The following CSMD3 variants were observed in gnomAD, a reference collection of about 807,000 sequenced individuals.
The protein encoded by CSMD3 is CUB and sushi domain-containing protein 3.
CSMD3 carries 177 observed loss-of-function variants against 435.2 expected under a neutral mutation model. The ratio of observed to expected loss-of-function variants is 0.41; its 90% CI spans 0.36 to 0.46. The LOEUF (loss-of-function observed/expected upper bound fraction) is 0.46. Ranked by LOEUF, CSMD3 falls within the 20% of genes least tolerant of loss-of-function variation. The pLI is 0.34. For synonymous variants in CSMD3, 1,656 were observed against 1,520.5 expected, an observed-to-expected ratio of 1.09 and a Z score of -2.07; for missense variants, 4,265 against 4,504.6, an observed-to-expected ratio of 0.95 and a Z score of 1.52.
intron 38 of CSMD3, among the ~76,000 whole-genome samples, chr8:112,376,570 A>C (rs1242647232): frequency 1.3e-5 from 2 of 152,056 alleles, no homozygotes; most frequent in African/African-American, 4.8e-5. Context: ...TGAGGAACTA[A>C]GTGGCCTGAA....
At chr8:113,411,975 C>T (rs2094561784) in intron 1 of CSMD3, among the ~76,000 whole-genome samples, 2 of 152,080 alleles carry the variant, frequency 1.3e-5, no homozygotes, top group Admixed American at 6.6e-5. Context: ...CAGTTACTAG[C>T]TGTGTACCCA....
At chr8:113,084,350 G>T (rs547681978) in intron 5 of CSMD3, among the ~76,000 whole-genome samples, 6 of 151,936 alleles carry the variant, frequency 3.9e-5, no homozygotes, top group Non-Finnish European at 7.4e-5. Flanking sequence ...AATCCCATTT[G>T]TAATAGGCGC....
At position 112,921,673 on chromosome 8, in the gene CSMD3, T is replaced by C; in HGVS notation, c.1587A>G (p.Ile529Met). The stretch of plus-strand genomic sequence containing the variant: ...CACTCCAAGCAGCAAAAACTTCAGC[T>C]ATCCGTTGACAGGTGATGCTCTTTG... ...QGAKSITCQR[I>M]AEVFAAWSDH... Residue 529 changes from isoleucine to methionine, a missense_variant, in exon 10 of 71, where the codon ATA (isoleucine) becomes ATG (methionine). This residue lies in a region of CSMD3 where 731 missense variants were observed against 755.4 expected (regional missense o/e 0.97). Coordinates refer to ENST00000297405, the MANE Select transcript of CSMD3 (RefSeq NM_198123.2). 1 of 1,612,852 alleles carries C rather than the reference T, an allele frequency of 6.2e-7. No homozygotes were observed. Among genetic ancestry groups the C allele is most frequent in the Non-Finnish European group, 8.5e-7 (1 of 1,179,058 alleles).
chr8:113,291,600 T>C (rs931807831), intron 2 of CSMD3, among the ~76,000 whole-genome samples: 1 of 151,868 alleles, frequency 6.6e-6, no homozygotes, highest in Non-Finnish European at 1.5e-5. Flanking sequence ...CATCTCGTTT[T>C]CAGTTACACT....
chr8:112,307,390 C>G (rs929192449), intron 50 of CSMD3, among the ~76,000 whole-genome samples: 2 of 152,028 alleles, frequency 1.3e-5, no homozygotes, highest in African/African-American at 4.8e-5. Context: ...AAGCAGTCCT[C>G]CTACCTTCAG....
chr8:113,275,477 T>A (rs1287436901), intron 3 of CSMD3, among the ~76,000 whole-genome samples: 1 of 152,048 alleles, frequency 6.6e-6, no homozygotes, highest in Non-Finnish European at 1.5e-5. Context: ...AATTCTAGAT[T>A]TTAATACAGT....
In CSMD3 at chr8:112,446,132, G is replaced by A. The variant is rs544973022; in HGVS notation, c.5395+26459C>T. Among the ~76,000 whole-genome samples, 3 of 152,264 alleles carry A rather than the reference G, an allele frequency of 2.0e-5. No homozygotes were observed. The East Asian group carries it at 5.8e-4, about 29-fold the overall frequency. On this transcript the variant is annotated intron_variant, in intron 32 of 70. Coordinates refer to ENST00000297405, the MANE Select transcript of CSMD3 (RefSeq NM_198123.2). ...TGATAACACATAGCTAAGAAGCATT[G>A]GGAGCAGAATTCAAAATTCTGTAGT...
chr8:113,358,919 G>A (rs760396745), intron 1 of CSMD3, among the ~76,000 whole-genome samples: 5 of 152,054 alleles, frequency 3.3e-5, no homozygotes, highest in Non-Finnish European at 7.4e-5. Context: ...AATGATTGAT[G>A]ATGGCAATTT....
At chr8:113,049,195 C>T (rs370265085) in intron 5 of CSMD3, among the ~76,000 whole-genome samples, 3 of 152,104 alleles carry the variant, frequency 2.0e-5, no homozygotes, top group Non-Finnish European at 4.4e-5. Flanking sequence ...GCCAAGATCA[C>T]GCCACTGCAC....
At chr8:113,055,570 T>A (rs1281292642) in intron 5 of CSMD3, among the ~76,000 whole-genome samples, 1 of 152,182 alleles carries the variant, frequency 6.6e-6, no homozygotes, top group African/African-American at 2.4e-5. Context: ...TAATCCTAAA[T>A]TTTCCCTTGA....
chr8:112,371,347 C>T (rs1828371689), intron 38 of CSMD3, among the ~76,000 whole-genome samples: 2 of 152,098 alleles, frequency 1.3e-5, no homozygotes, highest in Admixed American at 6.5e-5. Flanking sequence ...TTCCTCAGCC[C>T]TTGGCAATAT....
At chr8:112,966,679 G>T (rs986774156) in intron 7 of CSMD3, among the ~76,000 whole-genome samples, 1 of 151,534 alleles carries the variant, frequency 6.6e-6, no homozygotes, top group Admixed American at 6.6e-5. Flanking sequence ...ACTTGGTGTT[G>T]ATTTTCTTAT....
intron 17 of CSMD3, among the ~76,000 whole-genome samples, chr8:112,659,153 G>A (rs1191658556): frequency 6.8e-6 from 1 of 147,308 alleles, no homozygotes; most frequent in Non-Finnish European, 1.5e-5. Flanking sequence ...ACATTAACTG[G>A]TGATATAAAG....
chr8:112,984,624 G>T (rs1024893634), intron 6 of CSMD3, among the ~76,000 whole-genome samples: 1 of 152,040 alleles, frequency 6.6e-6, no homozygotes, highest in Non-Finnish European at 1.5e-5. Context: ...TAAGTCTGTT[G>T]CTTAATTAGA....
At chr8:112,278,289 G>T (rs1480170798) in intron 59 of CSMD3, among the ~76,000 whole-genome samples, 1 of 152,156 alleles carries the variant, frequency 6.6e-6, no homozygotes, top group African/African-American at 2.4e-5. Context: ...CTGTGCTAGT[G>T]TACTTACACT....
chr8:113,426,703 C>G (rs779491129), intron 1 of CSMD3, among the ~76,000 whole-genome samples: 5 of 151,372 alleles, frequency 3.3e-5, no homozygotes, highest in Non-Finnish European at 7.4e-5. Flanking sequence ...AATGAAATGT[C>G]AAGTGAATTT....
chr8:112,383,459 G>C (rs1323819635), intron 37 of CSMD3, 108 bp downstream of exon 37: 1 of 699,396 alleles, frequency 1.4e-6, no homozygotes, highest in Non-Finnish European at 2.6e-6. Context: ...TGTATAGTTT[G>C]TAAAAAGCAA....
At chr8:113,249,208 G>A (rs1018941370) in intron 3 of CSMD3, among the ~76,000 whole-genome samples, 2 of 152,056 alleles carry the variant, frequency 1.3e-5, no homozygotes, top group Admixed American at 1.3e-4. Context: ...GGCCTCCCCA[G>A]CCATATGGAA....
At chr8:113,110,288 ATCTT>A (rs938605171) in intron 4 of CSMD3, among the ~76,000 whole-genome samples, 27 of 152,094 alleles carry the variant, frequency 1.8e-4, no homozygotes, top group Non-Finnish European at 3.4e-4. Context: ...TAAAAATTCC[ATCTT>A]TCTATCATTT....
Sources: allele counts gnomAD v4.1 joint callset (sites outside exome capture counted in the v4.1 genomes callset), GRCh38; gene constraint gnomAD v4.1.1; regional missense constraint gnomAD v4.1.1; transcripts MANE v1.5; gene names NCBI Gene and HGNC (gene_info 2026-07-23, HGNC 2026-07-21).